Variants in PRDM5 observed in about 807,000 individuals in gnomAD.
PRDM5 encodes the protein PR domain zinc finger protein 5.
PRDM5 carries 56 observed loss-of-function variants against 81.2 expected under a neutral mutation model. The observed-to-expected ratio is 0.69, with a 90% CI of 0.56 to 0.86. The LOEUF is 0.86. Among genes scored for constraint, PRDM5 ranks in the 40% least tolerant of loss-of-function variants. PRDM5 has a pLI of 0.00. For synonymous variants in PRDM5, 267 were observed against 256.4 expected (o/e 1.04, Z -0.39); for missense variants, 697 against 770.1 (o/e 0.91, Z 1.12).
At chr4:120,727,338 T>C (rs76665387) in intron 14 of PRDM5, among the ~76,000 whole-genome samples, 3,523 of 152,116 alleles carry the variant, frequency 0.023, 134 homozygotes, top group African/African-American at 0.081. Flanking sequence ...ATGAAACATA[T>C]AGATATGATT....
At chr4:120,763,212 T>A (rs1016173035) in intron 13 of PRDM5, among the ~76,000 whole-genome samples, 2 of 152,056 alleles carry the variant, frequency 1.3e-5, no homozygotes, top group Admixed American at 1.3e-4. Flanking sequence ...CTCACGAACT[T>A]TTCAGTCGGA....
intron 10 of PRDM5, among the ~76,000 whole-genome samples, chr4:120,797,749 G>T: frequency 6.6e-6 from 1 of 152,082 alleles, no homozygotes. Context: ...TAAATCATTT[G>T]GAATTCATCA....
intron 14 of PRDM5, among the ~76,000 whole-genome samples, chr4:120,712,903 T>C (rs1343357068): frequency 1.3e-5 from 2 of 152,226 alleles, no homozygotes; most frequent in East Asian, 3.8e-4. Context: ...TTATAAATAA[T>C]GTTCCTCTGA....
At chr4:120,697,042 C>G (rs1734604713) in intron 15 of PRDM5, among the ~76,000 whole-genome samples, 1 of 152,158 alleles carries the variant, frequency 6.6e-6, no homozygotes, top group African/African-American at 2.4e-5. Flanking sequence ...AACAGCATAG[C>G]ATATGATGAC....
intron 13 of PRDM5, among the ~76,000 whole-genome samples, chr4:120,755,520 GC>G (rs1472893482): frequency 6.6e-5 from 10 of 151,704 alleles, no homozygotes; most frequent in African/African-American, 2.4e-4. Context: ...TCCCTTCAGA[GC>G]CAGGCCTTCT....
chr4:120,798,431 A>T lies in PRDM5; in HGVS notation c.1031-7T>A, dbSNP rs1032933251. On this transcript the variant is annotated splice_polypyrimidine_tract_variant and splice_region_variant and intron_variant, in intron 9 of 15. Transcript: ENST00000264808. ...CAATTATAGGGTCGTTTTTCTATTA[A>T]AAAAATGAGTGGAGACAATCTCATA... 1 of 1,598,784 alleles carries T rather than the reference A, an allele frequency of 6.3e-7. No individual in the cohort carries two copies. The highest frequency in any genetic ancestry group is 1.3e-5 in the African/African-American group (1 of 74,538).
chr4:120,872,898 G>A (rs1454804460), intron 2 of PRDM5, among the ~76,000 whole-genome samples: 3 of 152,178 alleles, frequency 2.0e-5, no homozygotes, highest in African/African-American at 7.2e-5. Context: ...CTGGAGATCT[G>A]CTTGATAACA....
At chr4:120,876,944 A>G (rs1384302262) in intron 2 of PRDM5, among the ~76,000 whole-genome samples, 1 of 152,210 alleles carries the variant, frequency 6.6e-6, no homozygotes, top group Non-Finnish European at 1.5e-5. Flanking sequence ...AAAACAAAAC[A>G]AACTCTTATA....
intron 4 of PRDM5, among the ~76,000 whole-genome samples, chr4:120,820,220 A>G (rs1485915287): frequency 1.3e-5 from 2 of 152,206 alleles, no homozygotes; most frequent in Non-Finnish European, 1.5e-5. Flanking sequence ...AAGAAGCCCA[A>G]GAGAGCTTGC....
chr4:120,712,098 C>G lies in PRDM5; in HGVS notation c.1624-1685G>C, dbSNP rs191957389. On this transcript the variant is annotated intron_variant, in intron 14 of 15. Transcript: ENST00000264808. ...GTCAGCAGTTTGAGACCAGCCTGGC[C>G]AACATGGTGAAACCCCGTCTCTACT... Among the ~76,000 whole-genome samples, 634 of 152,072 alleles carry G rather than the reference C, an allele frequency of 4.2e-3. 8 individuals carry two copies. Among genetic ancestry groups the G allele is most frequent in the Non-Finnish European group, 6.3e-3 (431 of 67,984 alleles).
Position 120,834,603 on chromosome 4 carries a change from C to T in PRDM5, c.301-13258G>A, listed in dbSNP as rs886871384. 3.9e-5 allele frequency among the ~76,000 whole-genome samples: 6 copies of T among 152,224 alleles called. No homozygotes were observed. The East Asian group carries it at 9.7e-4, about 24-fold the overall frequency. On this transcript the variant is annotated intron_variant, in intron 3 of 15. Coordinates refer to ENST00000264808, the MANE Select transcript of PRDM5 (RefSeq NM_018699.4). Reference sequence around the variant, plus strand: ...AGACAATGTGTCAACTTGACTAGGACGTGGAGTGTCCAGATATTTGGTCAA... The same window carrying T: ...AGACAATGTGTCAACTTGACTAGGATGTGGAGTGTCCAGATATTTGGTCAA...
intron 2 of PRDM5, among the ~76,000 whole-genome samples, chr4:120,860,329 T>TGG (rs1254712100): frequency 6.6e-6 from 1 of 152,202 alleles, no homozygotes; most frequent in African/African-American, 2.4e-5. Context: ...AGACACTTAA[T>TGG]GTAAAATATT....
At chr4:120,885,838 C>G (rs1763381883) in intron 2 of PRDM5, 1 of 151,688 alleles carries the variant, frequency 6.6e-6, no homozygotes, top group Non-Finnish European at 1.5e-5. Flanking sequence ...AAGTTGTGAT[C>G]AGAACCACAA....
At chr4:120,782,454 G>A (rs1378760605) in intron 11 of PRDM5, among the ~76,000 whole-genome samples, 1 of 152,040 alleles carries the variant, frequency 6.6e-6, no homozygotes, top group African/African-American at 2.4e-5. Context: ...AGAAAGGAAG[G>A]AAGGGAGGGA....
At chr4:120,748,318 C>A (rs1265645496) in intron 14 of PRDM5, among the ~76,000 whole-genome samples, 1 of 152,110 alleles carries the variant, frequency 6.6e-6, no homozygotes, top group East Asian at 1.9e-4. Context: ...ATCTTTAAAC[C>A]AAATCTTGGT....
intron 3 of PRDM5, among the ~76,000 whole-genome samples, chr4:120,850,763 T>C (rs1017539419): frequency 2.6e-5 from 4 of 152,156 alleles, no homozygotes; most frequent in African/African-American, 9.6e-5. Flanking sequence ...TTTCTTGGAG[T>C]ACCTGTCATC....
chr4:120,790,576 G>A (rs1460306748), intron 10 of PRDM5, among the ~76,000 whole-genome samples: 2 of 152,050 alleles, frequency 1.3e-5, no homozygotes, highest in Non-Finnish European at 2.9e-5. Context: ...ACAGAAATAC[G>A]TAAAGATTCC....
Position 120,763,109 on chromosome 4 carries a change from A to G in PRDM5, c.1538-8471T>C, listed in dbSNP as rs556332182. Among the ~76,000 whole-genome samples the G allele has an allele frequency of 2.5e-3, 383 of 152,278 alleles. 2 individuals are homozygous for G. The highest frequency in any genetic ancestry group is 4.6e-3 in the Non-Finnish European group (310 of 68,020). On this transcript the variant is annotated intron_variant, in intron 13 of 15. Coordinates refer to ENST00000264808, the MANE Select transcript of PRDM5 (RefSeq NM_018699.4). The stretch of plus-strand genomic sequence containing the variant: ...GCTTTATTTTCCTTAAGAATCTTAC[A>G]GTTACAGTATCCCTCCCTCATTTCT...
chr4:120,821,019 C>T, intron 4 of PRDM5, 152 bp downstream of exon 4: 1 of 929,110 alleles, frequency 1.1e-6, no homozygotes, highest in Non-Finnish European at 1.7e-6. Context: ...AAAGATGAGT[C>T]CACCACAGGA....
Sources: allele counts gnomAD v4.1 joint callset (sites outside exome capture counted in the v4.1 genomes callset), GRCh38; gene constraint gnomAD v4.1.1; transcripts MANE v1.5; gene names NCBI Gene and HGNC (gene_info 2026-07-23, HGNC 2026-07-21).